CNTNAP4: variants seen among roughly 807,000 people sequenced by gnomAD.
CNTNAP4 encodes contactin associated protein family member 4.
CNTNAP4 carries 98 observed loss-of-function variants against 148.4 expected under a neutral mutation model. That is an observed-to-expected ratio of 0.66 (90% CI 0.56 to 0.78). The LOEUF (loss-of-function observed/expected upper bound fraction) is 0.78. Ranked by LOEUF, CNTNAP4 falls within the 30% of genes least tolerant of loss-of-function variation. The pLI, the probability that CNTNAP4 is intolerant of heterozygous loss-of-function variation, is 0.00. For missense variants in CNTNAP4, 1,935 were observed against 1,565.6 expected, an observed-to-expected ratio of 1.24 and a Z score of -3.98; for synonymous variants, 730 against 565.1, an observed-to-expected ratio of 1.29 and a Z score of -4.14.
intron 15 of CNTNAP4, among the ~76,000 whole-genome samples, chr16:76,519,859 A>C (rs1200621966): frequency 6.6e-6 from 1 of 152,252 alleles, no homozygotes; most frequent in Admixed American, 6.5e-5. Context: ...CAGATCCACC[A>C]GAAAAACAAA....
chr16:76,365,031 C>A (rs1050575138), intron 3 of CNTNAP4, among the ~76,000 whole-genome samples: 2 of 152,002 alleles, frequency 1.3e-5, no homozygotes, highest in African/African-American at 4.8e-5. Context: ...GTCTTTAATC[C>A]ATCTTGAGTT....
intron 10 of CNTNAP4, among the ~76,000 whole-genome samples, chr16:76,473,261 G>A (rs1411046958): frequency 1.3e-5 from 2 of 152,026 alleles, no homozygotes; most frequent in East Asian, 3.9e-4. Flanking sequence ...TTGTAAAGTA[G>A]CATTTCTTTA....
At chr16:76,534,866 G>A (rs1192458987) in intron 17 of CNTNAP4, among the ~76,000 whole-genome samples, 2 of 152,072 alleles carry the variant, frequency 1.3e-5, no homozygotes, top group Admixed American at 1.3e-4. Context: ...GACTTGATAG[G>A]TACATATGGT....
In CNTNAP4 at chr16:76,558,806, G is replaced by A. The variant is rs545337423; in HGVS notation, c.*123G>A. Reference sequence around the variant, plus strand: ...AGTGGGCTTGCAGCACTGCCATCTTGCCATGTACAGGCTTGGGGTGGCTCC... The same window carrying A: ...AGTGGGCTTGCAGCACTGCCATCTTACCATGTACAGGCTTGGGGTGGCTCC... On this transcript the variant is annotated 3_prime_UTR_variant, in exon 24 of 24. Coordinates refer to ENST00000611870, the MANE Select transcript of CNTNAP4 (RefSeq NM_033401.5). 1.0e-4 allele frequency: 70 copies of A among 688,662 alleles called. No individual in the cohort carries two copies. Among genetic ancestry groups the A allele is most frequent in the Admixed American group, 8.3e-4 (26 of 31,256 alleles). 42.7% of individuals were successfully genotyped at this position (688,662 alleles called of 1,614,324 possible).
At chr16:76,464,953 C>T (rs920600806) in intron 9 of CNTNAP4, among the ~76,000 whole-genome samples, 2 of 152,188 alleles carry the variant, frequency 1.3e-5, no homozygotes, top group Non-Finnish European at 2.9e-5. Flanking sequence ...AATTTCTGTA[C>T]ATTCCCCTAT....
At chr16:76,345,062 A>G (rs1037689189) in intron 2 of CNTNAP4, among the ~76,000 whole-genome samples, 31 of 152,166 alleles carry the variant, frequency 2.0e-4, no homozygotes, top group Non-Finnish European at 7.3e-5. Context: ...TTAGTGACCC[A>G]TCTATTCCTT....
chr16:76,429,463 C>G (rs537080306), intron 4 of CNTNAP4, among the ~76,000 whole-genome samples: 6 of 152,280 alleles, frequency 3.9e-5, no homozygotes, highest in African/African-American at 1.4e-4. Context: ...ATTTAATCCT[C>G]AAAACCACCC....
At chr16:76,312,180 G>T (rs1324921595) in intron 1 of CNTNAP4, among the ~76,000 whole-genome samples, 1 of 152,146 alleles carries the variant, frequency 6.6e-6, no homozygotes, top group African/African-American at 2.4e-5. Context: ...CTTTGTGGTG[G>T]AAGGCTACCC....
intron 8 of CNTNAP4, among the ~76,000 whole-genome samples, chr16:76,459,168 T>G (rs1597610851): frequency 6.6e-6 from 1 of 152,236 alleles, no homozygotes; most frequent in East Asian, 1.9e-4. Context: ...GGCAGGTGGG[T>G]AGAATATACA....
At chr16:76,386,568 C>T (rs1251196446) in intron 3 of CNTNAP4, among the ~76,000 whole-genome samples, 2 of 152,040 alleles carry the variant, frequency 1.3e-5, no homozygotes, top group Admixed American at 6.6e-5. Flanking sequence ...GTCTTATTTA[C>T]GTTAATTTTC....
At chr16:76,461,351 C>G (rs940297437) in intron 8 of CNTNAP4, among the ~76,000 whole-genome samples, 1 of 152,234 alleles carries the variant, frequency 6.6e-6, no homozygotes, top group Middle Eastern at 3.4e-3. Context: ...ACTGAAAACA[C>G]CCCTTCAAAT....
At chr16:76,278,301 C>A (rs185587484) in intron 1 of CNTNAP4, among the ~76,000 whole-genome samples, 315 of 152,258 alleles carry the variant, frequency 2.1e-3, no homozygotes, top group African/African-American at 7.4e-3. Context: ...AAGAGCTGTG[C>A]CCTCGCTGCT....
intron 4 of CNTNAP4, among the ~76,000 whole-genome samples, chr16:76,430,723 G>A (rs369707682): frequency 7.9e-5 from 12 of 152,214 alleles, no homozygotes; most frequent in Middle Eastern, 3.4e-3. Context: ...GGTGCGCTTC[G>A]CCTGAGCCAT....
chr16:76,519,994 A>G (rs2083395517), intron 15 of CNTNAP4, among the ~76,000 whole-genome samples: 2 of 152,230 alleles, frequency 1.3e-5, no homozygotes, highest in South Asian at 2.1e-4. Context: ...CTCTGCTAAC[A>G]TAACAAACTG....
intron 15 of CNTNAP4, among the ~76,000 whole-genome samples, chr16:76,516,052 C>G (rs543711983): frequency 2.0e-5 from 3 of 152,136 alleles, no homozygotes; most frequent in Admixed American, 1.3e-4. Flanking sequence ...TTTTAAGCCC[C>G]GCATCCATTA....
At chr16:76,518,708 G>A (rs2083345345) in intron 15 of CNTNAP4, among the ~76,000 whole-genome samples, 1 of 152,090 alleles carries the variant, frequency 6.6e-6, no homozygotes. Context: ...GAACATTTGA[G>A]TCCTTTCTCC....
At chr16:76,419,517 C>G (rs1050778648) in intron 3 of CNTNAP4, among the ~76,000 whole-genome samples, 2 of 152,086 alleles carry the variant, frequency 1.3e-5, no homozygotes, top group Admixed American at 1.3e-4. Flanking sequence ...CACTCTCATG[C>G]TAGTCTACAC....
intron 2 of CNTNAP4, among the ~76,000 whole-genome samples, chr16:76,354,451 A>G (rs776796211): frequency 6.6e-6 from 1 of 152,130 alleles, no homozygotes; most frequent in African/African-American, 2.4e-5. Flanking sequence ...AGCTTGCTCT[A>G]TGATTTCCTT....
chr16:76,452,168 T>G (rs2080514753), intron 7 of CNTNAP4, among the ~76,000 whole-genome samples: 1 of 152,158 alleles, frequency 6.6e-6, no homozygotes, highest in Admixed American at 6.5e-5. Flanking sequence ...AACAATGTAT[T>G]TGTTTATAAT....
Sources: gnomAD v4.1 joint callset for allele counts (sites outside exome capture counted in the v4.1 genomes callset) on GRCh38, gnomAD v4.1.1 for gene constraint, MANE v1.5 for transcripts, NCBI Gene and HGNC (gene_info 2026-07-23, HGNC 2026-07-21) for gene names.